The following COPG2 variants were observed in gnomAD, a reference collection of about 807,000 sequenced individuals.
COPG2 encodes coat protein complex I subunit gamma 2.
COPG2 carries 37 observed loss-of-function variants against 46.3 expected under a neutral mutation model. The observed-to-expected ratio is 0.80, with a 90% confidence interval of 0.61 to 1.05. COPG2 has a LOEUF of 1.05. Ranked by LOEUF, COPG2 falls within the 50% of genes least tolerant of loss-of-function variation. The pLI is 0.00. For synonymous variants in COPG2, 159 were observed against 129.7 expected, an observed-to-expected ratio of 1.23 and a Z score of -1.53; for missense variants, 427 against 387.8, an observed-to-expected ratio of 1.10 and a Z score of -0.85.
chr7:130,508,032 C>A, intron 21 of COPG2: 2 of 527,890 alleles, frequency 3.8e-6, no homozygotes, highest in South Asian at 4.8e-5. Context: ...AGATCAACAT[C>A]TGTAGCCCTG....
At chr7:130,612,344 G>A (rs1794867415) in intron 7 of COPG2, 106 bp from the exon 8 acceptor site, 1 of 685,196 alleles carries the variant, frequency 1.5e-6, no homozygotes, top group South Asian at 2.1e-5. Flanking sequence ...CCAAGAGGAA[G>A]AAAACTATGT....
At chr7:130,622,451 C>A (rs1459652537) in intron 5 of COPG2, among the ~76,000 whole-genome samples, 2 of 152,184 alleles carry the variant, frequency 1.3e-5, no homozygotes, top group African/African-American at 4.8e-5. Flanking sequence ...ACAGATAAGG[C>A]CTGAGACCAT....
intron 9 of COPG2, among the ~76,000 whole-genome samples, chr7:130,602,392 ATAT>A (rs1273713270): frequency 6.6e-6 from 1 of 152,088 alleles, no homozygotes; most frequent in Non-Finnish European, 1.5e-5. Context: ...ATAAAGTTTT[ATAT>A]TATTACCATA....
At position 130,539,495 on chromosome 7, in the gene COPG2, C is replaced by T. The variant is rs1019780463; in HGVS notation, c.2149+8179G>A. Among the ~76,000 whole-genome samples the T allele has an allele frequency of 7.2e-5, 11 of 152,184 alleles. No homozygotes were observed. The East Asian group carries it at 1.4e-3, about 19-fold the overall frequency. On this transcript the variant is annotated intron_variant, in intron 20 of 23. Transcript: ENST00000425248. ...TAGAGAGAGGATGGAAAAGTTTGAG[C>T]GGTGAAAGCAGGTCAAAGTAGTGAG...
At chr7:130,550,114 G>C (rs1793512090) in intron 17 of COPG2, among the ~76,000 whole-genome samples, 1 of 152,006 alleles carries the variant, frequency 6.6e-6, no homozygotes, top group Non-Finnish European at 1.5e-5. Flanking sequence ...AAAAGATTTA[G>C]AAGGGGTGAC....
chr7:130,533,120 C>T (rs1029897420), intron 20 of COPG2, among the ~76,000 whole-genome samples: 64,234 of 151,750 alleles, frequency 0.42, 16,494 homozygotes, highest in East Asian at 0.59. Context: ...GTTATGGAGC[C>T]GAGCAGCTTA....
chr7:130,656,260 T>A (rs1468817564), intron 4 of COPG2, among the ~76,000 whole-genome samples: 1 of 151,958 alleles, frequency 6.6e-6, no homozygotes, highest in African/African-American at 2.4e-5. Context: ...AATTAATTTT[T>A]AAAAAAATCA....
chr7:130,559,988 TC>T (rs1257077178), intron 12 of COPG2, among the ~76,000 whole-genome samples: 1 of 152,250 alleles, frequency 6.6e-6, no homozygotes, highest in Non-Finnish European at 1.5e-5. Flanking sequence ...CCAGTTCTAT[TC>T]AACCCTGTTC....
At chr7:130,627,047 G>C (rs574334073) in intron 5 of COPG2, among the ~76,000 whole-genome samples, 17 of 152,206 alleles carry the variant, frequency 1.1e-4, no homozygotes, top group African/African-American at 3.9e-4. Flanking sequence ...CCATGCCCAC[G>C]TAATTTACGT....
At chr7:130,546,018 G>C (rs1489282039) in intron 20 of COPG2, among the ~76,000 whole-genome samples, 1 of 152,184 alleles carries the variant, frequency 6.6e-6, no homozygotes, top group South Asian at 2.1e-4. Context: ...ATGAACCTGG[G>C]GAAGTGGGAA....
rs1554440016 is a variant in COPG2, at chr7:130,506,496, AAAAAC to A, written c.*175_*179del. 6.1e-5 allele frequency: 27 copies of A among 443,158 alleles called. No individual in the cohort carries two copies. Among genetic ancestry groups the A allele is most frequent in the Middle Eastern group, 5.9e-4 (1 of 1,686 alleles). The allele number at this position is 443,158 out of a possible 1,614,324, so 27.5% of individuals were successfully genotyped here. On this transcript the variant is annotated 3_prime_UTR_variant, in exon 24 of 24. Transcript: ENST00000425248. ...AAGTAGAATAAAAAGAAAAAAAAAA[AAAAAC>A]AACCCATGCGCAAAGATAGACATTT...
intron 9 of COPG2, among the ~76,000 whole-genome samples, chr7:130,594,416 A>C (rs911830706): frequency 6.6e-6 from 1 of 152,220 alleles, no homozygotes; most frequent in African/African-American, 2.4e-5. Context: ...AACTCTTTGA[A>C]GAAAACAGGT....
intron 5 of COPG2, 91 bp downstream of exon 5, chr7:130,652,778 A>G (rs555475361): frequency 1.1e-5 from 9 of 803,954 alleles, no homozygotes; most frequent in South Asian, 9.6e-5. Context: ...TTAAATTCCT[A>G]TTGGCTTTCT....
intron 12 of COPG2, among the ~76,000 whole-genome samples, chr7:130,558,706 G>C (rs1032398272): frequency 0.2 from 29,706 of 151,900 alleles, 3,078 homozygotes; most frequent in Middle Eastern, 0.25. Flanking sequence ...TTTTTTTGTA[G>C]AGACAGGGTC....
At chr7:130,591,478 G>A (rs1554448928) in intron 9 of COPG2, among the ~76,000 whole-genome samples, 1 of 83,300 alleles carries the variant, frequency 1.2e-5, no homozygotes. Flanking sequence ...GAGGTGGGGG[G>A]GTCAGCCCCC....
chr7:130,570,415 A>T (rs1793875605), intron 9 of COPG2, among the ~76,000 whole-genome samples: 1 of 152,238 alleles, frequency 6.6e-6, no homozygotes, highest in Non-Finnish European at 1.5e-5. Flanking sequence ...ACAGTGAGCC[A>T]GCAGAGAATC....
intron 4 of COPG2, among the ~76,000 whole-genome samples, chr7:130,655,401 T>C (rs778061989): frequency 1.2e-4 from 18 of 152,226 alleles, no homozygotes; most frequent in Non-Finnish European, 1.9e-4. Flanking sequence ...AGAAGGTCTT[T>C]CCACTCTCAC....
intron 9 of COPG2, among the ~76,000 whole-genome samples, chr7:130,585,805 A>C (rs1220752611): frequency 1.3e-5 from 2 of 152,034 alleles, no homozygotes; most frequent in Non-Finnish European, 2.9e-5. Context: ...CAATCAAAAA[A>C]ATCAAAAAAC....
At chr7:130,530,267 A>AT (rs1188726782) in intron 20 of COPG2, among the ~76,000 whole-genome samples, 1 of 152,144 alleles carries the variant, frequency 6.6e-6, no homozygotes, top group Non-Finnish European at 1.5e-5. Context: ...GCATCGGCTC[A>AT]CTGGGGCTGC....
Sources: gnomAD v4.1 joint callset for allele counts (sites outside exome capture counted in the v4.1 genomes callset) on GRCh38, gnomAD v4.1.1 for gene constraint, MANE v1.5 for transcripts, NCBI Gene and HGNC (gene_info 2026-07-23, HGNC 2026-07-21) for gene names.